ADAMTS19: variants seen among roughly 807,000 people sequenced by gnomAD.
The protein encoded by ADAMTS19 is ADAM metallopeptidase with thrombospondin type 1 motif 19, also known as A disintegrin and metalloproteinase with thrombospondin motifs 19.
Under a neutral mutation model 153.3 loss-of-function variants are expected in ADAMTS19, and 93 were observed. That is an observed-to-expected ratio of 0.61 (90% confidence interval 0.51 to 0.72). ADAMTS19 has a LOEUF of 0.72. ADAMTS19 is among the 30% of genes least tolerant of loss of function. The probability of loss-of-function intolerance (pLI) is 0.00; values close to 1 mark genes in which losing one functional copy is unlikely to be tolerated. For missense variants in ADAMTS19, 1,482 were observed against 1,552.1 expected (o/e 0.95, Z 0.76); for synonymous variants, 600 against 556.6 (o/e 1.08, Z -1.10).
chr5:129,702,941 A>AAAAATATATATATATATATATAT, intron 20 of ADAMTS19, among the ~76,000 whole-genome samples: 50 of 29,180 alleles, frequency 1.7e-3, no homozygotes, highest in Middle Eastern at 0.023. Context: ...AAAAAAAAAA[A>AAAAATATATATATATATATATAT]ATATATATAT....
intron 7 of ADAMTS19, among the ~76,000 whole-genome samples, chr5:129,588,995 T>G (rs755166749): frequency 1.3e-5 from 2 of 151,960 alleles, no homozygotes; most frequent in Non-Finnish European, 2.9e-5. Flanking sequence ...TGCTAGTTAT[T>G]AATTATAGTT....
chr5:129,618,851 A>C (rs1215551985), intron 8 of ADAMTS19, among the ~76,000 whole-genome samples: 1 of 152,012 alleles, frequency 6.6e-6, no homozygotes, highest in Non-Finnish European at 1.5e-5. Context: ...CATCCACAAA[A>C]ATATTTTACT....
At chr5:129,472,639 T>C (rs180835569) in intron 2 of ADAMTS19, among the ~76,000 whole-genome samples, 1 of 152,112 alleles carries the variant, frequency 6.6e-6, no homozygotes, top group African/African-American at 2.4e-5. Flanking sequence ...AGTTGAAATC[T>C]GCTTCCTATT....
intron 17 of ADAMTS19, among the ~76,000 whole-genome samples, chr5:129,682,568 T>G (rs1754871312): frequency 6.6e-6 from 1 of 152,186 alleles, no homozygotes; most frequent in Non-Finnish European, 1.5e-5. Context: ...GGTATTTACA[T>G]GTTCATCCCA....
intron 4 of ADAMTS19, 128 bp from the exon 5 acceptor site, chr5:129,527,616 CTTTT>C (rs370814072): frequency 0.067 from 11,818 of 176,718 alleles, 323 homozygotes; most frequent in African/African-American, 0.1. Context: ...GCTTTACAAG[CTTTT>C]TTTTTTTTTT....
rs533133185 is a variant in ADAMTS19 at position 129,665,981 on chromosome 5, A to G, written c.2506+402A>G. 3.4e-3 allele frequency among the ~76,000 whole-genome samples: 500 copies of G among 146,688 alleles called. 1 individual carries two copies. Among genetic ancestry groups the G allele is most frequent in the Non-Finnish European group, 5.3e-3 (354 of 67,318 alleles). On this transcript the variant is annotated intron_variant, in intron 16 of 22. Coordinates refer to ENST00000274487, the MANE Select transcript of ADAMTS19 (RefSeq NM_133638.6). ...ATTGCATTTATAAATGAATTTATGT[A>G]TATATATATATAAAATGATCGTTTC...
At chr5:129,700,896 T>C (rs1192779505) in intron 19 of ADAMTS19, among the ~76,000 whole-genome samples, 1 of 151,438 alleles carries the variant, frequency 6.6e-6, no homozygotes, top group East Asian at 1.9e-4. Context: ...AACTATTGTG[T>C]TTGGTTAAAA....
At chr5:129,544,671 G>T (rs560157922) in intron 6 of ADAMTS19, among the ~76,000 whole-genome samples, 69 of 152,282 alleles carry the variant, frequency 4.5e-4, no homozygotes, top group African/African-American at 1.7e-3. Flanking sequence ...TAGCTTCCCT[G>T]AGGGAGTTTT....
Position 129,461,594 on chromosome 5 carries a change from C to A in ADAMTS19, c.584C>A (p.Pro195Gln). 1 of 1,583,576 alleles carries A rather than the reference C, an allele frequency of 6.3e-7. No individual in the cohort carries two copies. Among genetic ancestry groups the A allele is most frequent in the Non-Finnish European group, 8.5e-7 (1 of 1,171,990 alleles). ...CGGAGAGACGGCCGCTTCCTGGCGC[C>A]GCGCTTCGCAGTGGAACAGCGGCCA... The part of the protein sequence containing the change: ...LLRRDGRFLA[P>Q]RFAVEQRPNP... The change falls in exon 2 of 23, where the codon CCG (proline) becomes CAG (glutamine). Residue 195 changes from proline (P) to glutamine (Q), a missense_variant. By Grantham distance (76) the Pro-to-Gln change is moderately conservative. This residue lies in a region of ADAMTS19 where 866 missense variants were observed against 827.7 expected (regional missense o/e 1.05). Transcript: ENST00000274487. This position sits in a 1 kb window ranked among gnomAD's most constrained non-coding sequence, Gnocchi z 4.6.
chr5:129,506,940 A>C (rs1448783181), intron 2 of ADAMTS19, among the ~76,000 whole-genome samples: 2 of 151,914 alleles, frequency 1.3e-5, no homozygotes, highest in East Asian at 3.9e-4. Context: ...TAACCCTATG[A>C]AGTTGGGGTT....
In ADAMTS19 at chr5:129,484,288, A is replaced by G. The variant is rs924488464; in HGVS notation, c.747+22531A>G. 1.2e-4 allele frequency among the ~76,000 whole-genome samples: 19 copies of G among 152,184 alleles called. No individual in the cohort carries two copies. In the East Asian group the frequency reaches 3.7e-3, roughly 29 times the overall value. On this transcript the variant is annotated intron_variant, in intron 2 of 22. Coordinates refer to ENST00000274487, the MANE Select transcript of ADAMTS19 (RefSeq NM_133638.6). ...ATGAATGTTAACATTTTATTTTATT[A>G]TTTTTGCTTAAGACCTTTATTTTAA...
intron 2 of ADAMTS19, among the ~76,000 whole-genome samples, chr5:129,465,657 T>C (rs560126579): frequency 6.6e-6 from 1 of 152,206 alleles, no homozygotes; most frequent in Non-Finnish European, 1.5e-5. Context: ...GTATATCAGT[T>C]AGCAGTGTGA....
chr5:129,481,559 A>G (rs1470515859), intron 2 of ADAMTS19, among the ~76,000 whole-genome samples: 4 of 152,172 alleles, frequency 2.6e-5, no homozygotes, highest in Admixed American at 1.3e-4. Flanking sequence ...GTACAGGTAT[A>G]GTCTGATAAT....
chr5:129,520,447 G>T (rs913122548), intron 3 of ADAMTS19, among the ~76,000 whole-genome samples: 1 of 152,108 alleles, frequency 6.6e-6, no homozygotes, highest in Admixed American at 6.6e-5. Flanking sequence ...TATGAGTAAC[G>T]TCAGCCTCTA....
intron 7 of ADAMTS19, among the ~76,000 whole-genome samples, chr5:129,578,807 T>C (rs535238522): frequency 6.6e-6 from 1 of 152,324 alleles, no homozygotes. Flanking sequence ...TCCCATTGTG[T>C]ATATGTGCCA....
chr5:129,608,863 A>G (rs897783060), intron 8 of ADAMTS19, among the ~76,000 whole-genome samples: 1 of 152,044 alleles, frequency 6.6e-6, no homozygotes, highest in Non-Finnish European at 1.5e-5. Flanking sequence ...AAAAGAAAAA[A>G]AAAAAGAGAA....
chr5:129,735,617 A>G (rs1757633185), intron 22 of ADAMTS19, among the ~76,000 whole-genome samples: 1 of 152,078 alleles, frequency 6.6e-6, no homozygotes, highest in Admixed American at 6.6e-5. Flanking sequence ...TTTTGAGAAT[A>G]TGATACTAAA....
chr5:129,695,413 C>T (rs1276833862), intron 19 of ADAMTS19, among the ~76,000 whole-genome samples: 1 of 152,084 alleles, frequency 6.6e-6, no homozygotes, highest in Non-Finnish European at 1.5e-5. Context: ...CCTCTGACAC[C>T]CCCCAATGAG....
At chr5:129,729,670 A>G (rs1757353860) in intron 21 of ADAMTS19, among the ~76,000 whole-genome samples, 1 of 152,098 alleles carries the variant, frequency 6.6e-6, no homozygotes, top group Non-Finnish European at 1.5e-5. Context: ...TAATTTGCCT[A>G]TAAAATGCAA....
Sources: gnomAD v4.1 joint callset for allele counts (sites outside exome capture counted in the v4.1 genomes callset) on GRCh38, gnomAD v4.1.1 for gene constraint, gnomAD v4.1.1 regional missense constraint, Gnocchi (gnomAD v3.1) non-coding constraint, MANE v1.5 for transcripts, NCBI Gene and HGNC (gene_info 2026-07-23, HGNC 2026-07-21) for gene names.